The following DST variants were observed in gnomAD, a reference collection of about 807,000 sequenced individuals.
The protein encoded by DST is dystonin, also known as bullous pemphigoid antigen.
A neutral mutation model predicts 875.2 loss-of-function variants in DST; 253 were observed. The ratio of observed to expected loss-of-function variants is 0.29; its 90% confidence interval spans 0.26 to 0.32. The LOEUF is 0.32. DST is among the 10% of genes least tolerant of loss of function. The pLI is 1.00. For synonymous variants in DST, 3,124 were observed against 3,197.1 expected, an observed-to-expected ratio of 0.98 and a Z score of 0.77; for missense variants, 8,287 against 9,111.6, an observed-to-expected ratio of 0.91 and a Z score of 3.68.
intron 4 of DST, among the ~76,000 whole-genome samples, chr6:56,807,127 T>G (rs1008230220): frequency 6.6e-6 from 1 of 152,176 alleles, no homozygotes; most frequent in African/African-American, 2.4e-5. Context: ...CTCAGCTCAC[T>G]GCAACCTCCG....
chr6:56,618,007 C>T, intron 36 of DST: 1 of 1,614,070 alleles, frequency 6.2e-7, no homozygotes, highest in East Asian at 2.2e-5. Flanking sequence ...TCAAAACCTT[C>T]ACCAGTTCCA....
intron 8 of DST, 103 bp from the exon 9 acceptor site, chr6:56,699,848 T>C: frequency 3.7e-6 from 2 of 538,038 alleles, no homozygotes; most frequent in Non-Finnish European, 6.4e-6. Flanking sequence ...AAAGAAAAAA[T>C]GGAATAATTT....
intron 3 of DST, among the ~76,000 whole-genome samples, chr6:56,882,585 A>G (rs1020614966): frequency 6.6e-6 from 1 of 152,252 alleles, no homozygotes; most frequent in Non-Finnish European, 1.5e-5. Context: ...GCAAAATGAA[A>G]GCAAATAATC....
At chr6:56,494,536 C>A (rs1177031227) in intron 82 of DST, among the ~76,000 whole-genome samples, 1 of 152,100 alleles carries the variant, frequency 6.6e-6, no homozygotes, top group Non-Finnish European at 1.5e-5. Flanking sequence ...ATTCCTTCCT[C>A]TGTAAAATGA....
chr6:56,916,664 G>GA (rs1027752603), intron 2 of DST, among the ~76,000 whole-genome samples: 3 of 151,744 alleles, frequency 2.0e-5, no homozygotes, highest in African/African-American at 4.8e-5. Flanking sequence ...GAGGTGGGGG[G>GA]ATCTCCTGAG....
chr6:56,625,504 T>G (rs910689254), intron 34 of DST, among the ~76,000 whole-genome samples: 3 of 152,046 alleles, frequency 2.0e-5, no homozygotes, highest in Non-Finnish European at 4.4e-5. Context: ...CCCATAAAAT[T>G]ATAATGGAGC....
chr6:56,854,953 T>C (rs1012081872), intron 3 of DST, among the ~76,000 whole-genome samples: 4 of 152,230 alleles, frequency 2.6e-5, no homozygotes, highest in African/African-American at 7.2e-5. Context: ...CCATTTGGCA[T>C]GTATGCTGAA....
chr6:56,603,047 G>T lies in DST; in HGVS notation c.11158-16C>A, dbSNP rs570718803. 6.4e-7 allele frequency: 1 copy of T among 1,555,486 alleles called. No homozygotes were observed. Among genetic ancestry groups the T allele is most frequent in the African/African-American group, 1.4e-5 (1 of 72,218 alleles). ...CTAGTTTAGACTAGAAAAAAAAATT[G>T]TGCATTCAGTTATCTTTCCCCAAAA... On this transcript the variant is annotated splice_polypyrimidine_tract_variant and intron_variant, in intron 42 of 103. Coordinates refer to ENST00000680361, the MANE Select transcript of DST (RefSeq NM_001374736.1).
At chr6:56,466,842 T>C (rs2094598648) in intron 98 of DST, 1 of 152,222 alleles carries the variant, frequency 6.6e-6, no homozygotes, top group Non-Finnish European at 1.5e-5. Context: ...TACTGTAATA[T>C]TAGAATAGCC....
chr6:56,879,690 C>T (rs746115516), intron 3 of DST, among the ~76,000 whole-genome samples: 1 of 152,122 alleles, frequency 6.6e-6, no homozygotes, highest in Non-Finnish European at 1.5e-5. Flanking sequence ...AATTTTCTTG[C>T]TTCCTCAAAT....
intron 4 of DST, among the ~76,000 whole-genome samples, chr6:56,775,143 C>G (rs1333383775): frequency 6.6e-6 from 1 of 151,960 alleles, no homozygotes; most frequent in Non-Finnish European, 1.5e-5. Flanking sequence ...TAAATTCTCC[C>G]AGGAAGAACA....
intron 13 of DST, 131 bp downstream of exon 13, chr6:56,648,439 A>G: frequency 1.4e-6 from 1 of 704,894 alleles, no homozygotes; most frequent in Non-Finnish European, 2.2e-6. Context: ...GAGTAATACA[A>G]ATTTTGCCTA....
At chr6:56,894,710 A>AC (rs1248260351) in intron 3 of DST, among the ~76,000 whole-genome samples, 9 of 42,160 alleles carry the variant, frequency 2.1e-4, no homozygotes, top group Non-Finnish European at 2.0e-4. Context: ...CGGGGGGCTG[A>AC]CCCCCCCCAC....
intron 9 of DST, among the ~76,000 whole-genome samples, chr6:56,687,536 T>G (rs2099195878): frequency 6.6e-6 from 1 of 151,842 alleles, no homozygotes; most frequent in African/African-American, 2.4e-5. Context: ...TACACACACA[T>G]GGCTGAGAAC....
intron 60 of DST, 44 bp downstream of exon 60, chr6:56,555,301 A>T: frequency 6.6e-7 from 1 of 1,526,230 alleles, no homozygotes; most frequent in South Asian, 1.3e-5. Context: ...AATATATGAC[A>T]TTTATTTCTG....
chr6:56,811,075 T>C (rs1420395571), intron 4 of DST, among the ~76,000 whole-genome samples: 7 of 150,192 alleles, frequency 4.7e-5, no homozygotes, highest in Non-Finnish European at 8.9e-5. Context: ...TCCCAGCTAC[T>C]TGGGAGGCTG....
At chr6:56,562,755 C>T (rs778172239) in intron 55 of DST, among the ~76,000 whole-genome samples, 1 of 150,936 alleles carries the variant, frequency 6.6e-6, no homozygotes, top group Admixed American at 6.6e-5. Flanking sequence ...CACCCCCTGA[C>T]AGGCCCCGGT....
Position 56,553,264 on chromosome 6 carries a change from C to A in DST, c.15528G>T (p.Glu5176Asp), listed in dbSNP as rs748574567. The change falls in exon 61 of 104, where the codon GAG becomes GAT. Residue 5176 changes from glutamate (E) to aspartate (D), a missense_variant. By Grantham distance (45) the Glu-to-Asp change is conservative (BLOSUM62 2). This residue lies in a region of DST where 1,513 missense variants were observed against 1,677.8 expected (regional missense o/e 0.90). Transcript: ENST00000680361. The part of the protein sequence containing the change: ...EKALKYKEQV[E>D]TLWPWIDKCQ... ...ATTTGTCTATCCATGGCCAGAGAGT[C>A]TCTACTTGCTCTTTATACTTAAGGG... The A allele has an allele frequency of 3.7e-5, 59 of 1,613,672 alleles. No homozygotes were observed. The highest frequency in any genetic ancestry group is 4.7e-5 in the Non-Finnish European group (56 of 1,179,898).
chr6:56,830,345 T>C (rs2099785551), intron 4 of DST, among the ~76,000 whole-genome samples: 2 of 152,228 alleles, frequency 1.3e-5, no homozygotes, highest in African/African-American at 2.4e-5. Flanking sequence ...AAATGTTATA[T>C]ATTATGGAGA....
Sources: gnomAD v4.1 joint callset for allele counts (sites outside exome capture counted in the v4.1 genomes callset) on GRCh38, gnomAD v4.1.1 for gene constraint, gnomAD v4.1.1 regional missense constraint, MANE v1.5 for transcripts, NCBI Gene and HGNC (gene_info 2026-07-23, HGNC 2026-07-21) for gene names.